Variants in ATP10B observed in about 807,000 individuals in gnomAD.
ATP10B encodes ATPase phospholipid transporting 10B (putative), also known as phospholipid-transporting ATPase VB.
In ATP10B, 122 loss-of-function variants were observed where a neutral mutation model predicts 141.2. The observed-to-expected ratio is 0.86, with a 90% CI of 0.75 to 1.00. The LOEUF is 1.00. Among genes scored for constraint, ATP10B ranks in the 50% least tolerant of loss-of-function variants. The pLI is 0.00. For synonymous variants in ATP10B, 685 were observed against 692.0 expected, an observed-to-expected ratio of 0.99 and a Z score of 0.16; for missense variants, 1,876 against 1,825.3, an observed-to-expected ratio of 1.03 and a Z score of -0.51.
At chr5:160,869,232 T>G in the ATP10B span, among the ~76,000 whole-genome samples, 1 of 152,146 alleles carries the variant, frequency 6.6e-6, no homozygotes, top group Non-Finnish European at 1.5e-5. Flanking sequence ...ATTACCACAC[T>G]CTGCCCAACT....
At position 160,565,263 on chromosome 5, in the gene ATP10B, G is replaced by A; in HGVS notation, c.*190C>T. 1.6e-6 allele frequency: 1 copy of A among 610,188 alleles called. No homozygotes were observed. Among genetic ancestry groups the A allele is most frequent in the Admixed American group, 3.0e-5 (1 of 33,364 alleles). The allele number at this position is 610,188 out of a possible 1,614,324, so 37.8% of individuals were successfully genotyped here. A position where few individuals can be genotyped will look rare whatever the true frequency, so the allele number is the denominator to read the frequency against. ...GCTGCCTGAGAGCAGCAGAAAACTA[G>A]AGGCCGACTGGGTTTCCCGTCTTTG... is the stretch of plus-strand genomic sequence containing the variant. On this transcript the variant is annotated 3_prime_UTR_variant, in exon 26 of 26. Transcript: ENST00000327245.
chr5:160,774,509 G>A (rs1770139824), intron 2 of ATP10B, among the ~76,000 whole-genome samples: 1 of 152,152 alleles, frequency 6.6e-6, no homozygotes, highest in Non-Finnish European at 1.5e-5. Context: ...CATCATATCT[G>A]CAAGCTGTTG....
At chr5:160,692,681 A>T (rs532957437) in intron 3 of ATP10B, 101 of 152,364 alleles carry the variant, frequency 6.6e-4, no homozygotes, top group African/African-American at 2.4e-3. Flanking sequence ...AAGACCCCAC[A>T]TAGGAACAGA....
chr5:160,868,078 G>T, the ATP10B span, among the ~76,000 whole-genome samples: 281 of 152,166 alleles, frequency 1.8e-3, 1 homozygote, highest in African/African-American at 6.6e-3. Context: ...CAAGGGGAGC[G>T]TTAAGCCTGA....
chr5:160,899,525 T>C, the ATP10B span, among the ~76,000 whole-genome samples: 1 of 152,116 alleles, frequency 6.6e-6, no homozygotes, highest in South Asian at 2.1e-4. Flanking sequence ...TTTTTAATAT[T>C]ATATGCAATT....
intron 1 of ATP10B, among the ~76,000 whole-genome samples, chr5:160,832,200 A>G (rs992466189): frequency 2.6e-5 from 4 of 152,042 alleles, no homozygotes; most frequent in Admixed American, 2.6e-4. Context: ...TCAAACTGGC[A>G]ATTTTACCTT....
At chr5:160,894,736 C>CA in the ATP10B span, among the ~76,000 whole-genome samples, 3 of 152,046 alleles carry the variant, frequency 2.0e-5, no homozygotes, top group African/African-American at 7.2e-5. Context: ...AGAGCAACCC[C>CA]AAGATGCATA....
At chr5:160,720,437 A>T (rs571119889) in intron 2 of ATP10B, among the ~76,000 whole-genome samples, 3 of 152,214 alleles carry the variant, frequency 2.0e-5, no homozygotes, top group Non-Finnish European at 4.4e-5. Flanking sequence ...GTCTCTTAAC[A>T]AGCTTCTTAA....
At chr5:160,809,785 A>G (rs757038743) in intron 1 of ATP10B, among the ~76,000 whole-genome samples, 4 of 152,222 alleles carry the variant, frequency 2.6e-5, no homozygotes, top group Non-Finnish European at 5.9e-5. Flanking sequence ...TTCCTTAAAC[A>G]TAGAACTCAT....
At chr5:160,864,244 T>C in the ATP10B span, among the ~76,000 whole-genome samples, 1 of 151,958 alleles carries the variant, frequency 6.6e-6, no homozygotes, top group Non-Finnish European at 1.5e-5. Context: ...ATCAAGTGTG[T>C]TTCATACCAG....
At chr5:160,610,759 G>A (rs1757676100) in intron 18 of ATP10B, among the ~76,000 whole-genome samples, 1 of 152,138 alleles carries the variant, frequency 6.6e-6, no homozygotes, top group Admixed American at 6.5e-5. Flanking sequence ...TATTGCAATA[G>A]CAATAATAGT....
At chr5:160,829,390 G>T (rs1446198640) in intron 1 of ATP10B, among the ~76,000 whole-genome samples, 1 of 152,040 alleles carries the variant, frequency 6.6e-6, no homozygotes, top group Admixed American at 6.6e-5. Flanking sequence ...TGGGTAGTTT[G>T]ATTCCTCTGG....
chr5:160,829,791 T>C (rs1263534817), intron 1 of ATP10B, among the ~76,000 whole-genome samples: 1 of 152,138 alleles, frequency 6.6e-6, no homozygotes, highest in Non-Finnish European at 1.5e-5. Context: ...CTGATTTTTG[T>C]ATATTGATTT....
At position 160,676,437 on chromosome 5, in the gene ATP10B, C is replaced by G. The variant is rs189670753; in HGVS notation, c.471-5770G>C. ...TTTCACTCCTGGGCACTGGACATGA[C>G]GGTGCACATCTTGTTGCCACACTTC... On this transcript the variant is annotated intron_variant, in intron 6 of 25. Transcript: ENST00000327245. Among the ~76,000 whole-genome samples the G allele has an allele frequency of 7.9e-4, 120 of 152,312 alleles. 1 individual carries two copies. The highest frequency in any genetic ancestry group is 2.8e-3 in the African/African-American group (117 of 41,576).
At chr5:160,900,465 A>G in the ATP10B span, among the ~76,000 whole-genome samples, 2 of 152,172 alleles carry the variant, frequency 1.3e-5, no homozygotes, top group Non-Finnish European at 1.5e-5. Flanking sequence ...AAATGCAGAG[A>G]TAGGATTGAA....
the ATP10B span, among the ~76,000 whole-genome samples, chr5:160,861,541 C>G: frequency 0.019 from 2,828 of 151,718 alleles, 90 homozygotes; most frequent in African/African-American, 0.064. Flanking sequence ...ATTTTTTGTT[C>G]AAATCAATGC....
At chr5:160,777,011 G>A (rs1770380636) in intron 2 of ATP10B, among the ~76,000 whole-genome samples, 1 of 152,302 alleles carries the variant, frequency 6.6e-6, no homozygotes, top group South Asian at 2.1e-4. Context: ...ACAACGTAAA[G>A]GCAGGTGCCT....
At chr5:160,779,335 G>A (rs564344666) in intron 2 of ATP10B, among the ~76,000 whole-genome samples, 2 of 152,154 alleles carry the variant, frequency 1.3e-5, no homozygotes, top group Non-Finnish European at 2.9e-5. Context: ...AGTAGATATA[G>A]TGACTTACAT....
chr5:160,569,614 C>T lies in ATP10B; in HGVS notation c.3820G>A (p.Ala1274Thr), dbSNP rs1393234436. The change falls in exon 25 of 26, where the codon GCC becomes ACC. Residue 1274 changes from alanine to threonine, a missense_variant. Transcript: ENST00000327245. The part of the protein sequence containing the change: ...MYFLVSLLYN[A>T]TCVICNSPTN... ...GGGCTGTTGCAGATGACGCAGGTGG[C>T]ATTGTACAGGAGGGATACCAGAAAG... is the stretch of plus-strand genomic sequence containing the variant. 1 of 1,613,446 alleles carries T rather than the reference C, an allele frequency of 6.2e-7. No individual in the cohort carries two copies. The highest frequency in any genetic ancestry group is 1.1e-5 in the South Asian group (1 of 90,964).
Sources: allele counts gnomAD v4.1 joint callset (sites outside exome capture counted in the v4.1 genomes callset), GRCh38; gene constraint gnomAD v4.1.1; transcripts MANE v1.5; gene names NCBI Gene and HGNC (gene_info 2026-07-23, HGNC 2026-07-21).